Variants in TUBA1C observed in about 807,000 individuals in gnomAD.
The protein encoded by TUBA1C is tubulin alpha 1c, also known as tubulin alpha-1C chain.
Under a neutral mutation model 34.9 loss-of-function variants are expected in TUBA1C, and 16 were observed. The ratio of observed to expected loss-of-function variants is 0.46; its 90% CI spans 0.31 to 0.70. The LOEUF (loss-of-function observed/expected upper bound fraction) is 0.70, where lower values mean the gene tolerates loss of function less well. Among genes scored for constraint, TUBA1C ranks in the 30% least tolerant of loss-of-function variants. The probability of loss-of-function intolerance (pLI) is 0.05; values close to 1 mark genes in which losing one functional copy is unlikely to be tolerated. For missense variants in TUBA1C, 329 were observed against 587.3 expected, an observed-to-expected ratio of 0.56 and a Z score of 4.55; for synonymous variants, 177 against 215.9, an observed-to-expected ratio of 0.82 and a Z score of 1.58.
chr12:49,259,893 T>G (rs1942825587), intron 1 of TUBA1C, among the ~76,000 whole-genome samples: 1 of 152,128 alleles, frequency 6.6e-6, no homozygotes, highest in Non-Finnish European at 1.5e-5. Context: ...TGCAGAAAAG[T>G]AAAAAGGAAA....
chr12:49,246,532 G>A (rs912898579), intron 1 of TUBA1C, among the ~76,000 whole-genome samples: 25 of 151,874 alleles, frequency 1.6e-4, no homozygotes, highest in Admixed American at 9.2e-4. Context: ...ACAATTAGCC[G>A]GGTGTGGTGG....
At chr12:49,243,788 T>C (rs931760052) in intron 1 of TUBA1C, among the ~76,000 whole-genome samples, 1 of 151,958 alleles carries the variant, frequency 6.6e-6, no homozygotes, top group Non-Finnish European at 1.5e-5. Context: ...GGCAGTTCCC[T>C]TTAAGGAAAG....
intron 3 of TUBA1C, among the ~76,000 whole-genome samples, chr12:49,270,359 A>G (rs2062894233): frequency 6.6e-6 from 1 of 152,236 alleles, no homozygotes. Context: ...CACTGACAAG[A>G]AACAGCCAAT....
upstream of TUBA1C, chr12:49,264,633 G>A (rs889093811): frequency 6.6e-6 from 1 of 152,288 alleles, no homozygotes; most frequent in African/African-American, 2.4e-5. Flanking sequence ...CTTCCCTCCT[G>A]GGCGCGGTCG....
intron 1 of TUBA1C, chr12:49,232,943 A>G (rs965220088): frequency 6.6e-6 from 1 of 152,212 alleles, no homozygotes; most frequent in Non-Finnish European, 1.5e-5. Flanking sequence ...TCAGGGCTTC[A>G]AAACTGTGCT....
chr12:49,270,399 G>A (rs1299298587), intron 3 of TUBA1C, among the ~76,000 whole-genome samples: 2 of 152,320 alleles, frequency 1.3e-5, no homozygotes, highest in African/African-American at 4.8e-5. Flanking sequence ...GCTGAAAGTG[G>A]AGTCGGGAGC....
At chr12:49,238,930 C>T (rs1425905311) in intron 1 of TUBA1C, among the ~76,000 whole-genome samples, 1 of 152,162 alleles carries the variant, frequency 6.6e-6, no homozygotes, top group Non-Finnish European at 1.5e-5. Context: ...GAACCCTGCC[C>T]TTTTGGGTTT....
chr12:49,257,053 G>A (rs1056147592), intron 1 of TUBA1C, among the ~76,000 whole-genome samples: 22 of 150,942 alleles, frequency 1.5e-4, no homozygotes, highest in African/African-American at 5.1e-4. Context: ...GGTGGTGGGC[G>A]CCTATAATCC....
At chr12:49,231,050 C>A (rs1462657328) in intron 1 of TUBA1C, among the ~76,000 whole-genome samples, 1 of 152,202 alleles carries the variant, frequency 6.6e-6, no homozygotes, top group East Asian at 1.9e-4. Flanking sequence ...GCACCATCTC[C>A]ACTTCTGTTT....
At chr12:49,229,938 C>G (rs1330333660) in intron 1 of TUBA1C, among the ~76,000 whole-genome samples, 2 of 152,142 alleles carry the variant, frequency 1.3e-5, no homozygotes, top group African/African-American at 4.8e-5. Context: ...TAGGCGTGTA[C>G]CACCATACCT....
chr12:49,272,725 A>G lies in TUBA1C; in HGVS notation c.848A>G (p.His283Arg). ...GTCATCTCTGCTGAGAAAGCCTACC[A>G]CGAACAGCTTACTGTAGCAGAGATC... ...APVISAEKAY[H>R]EQLTVAEITN... Residue 283 changes from histidine to arginine, a missense_variant, in exon 4 of 4, where the codon CAC (histidine) becomes CGC (arginine). Physicochemically the swap from His to Arg is conservative, Grantham distance 29. Coordinates refer to ENST00000301072, the MANE Select transcript of TUBA1C (RefSeq NM_032704.5). The G allele has an allele frequency of 6.2e-7, 1 of 1,612,728 alleles. No individual in the cohort carries two copies. The highest frequency in any genetic ancestry group is 1.1e-5 in the South Asian group (1 of 90,940).
chr12:49,230,751 G>C (rs909005643), intron 1 of TUBA1C, among the ~76,000 whole-genome samples: 2 of 152,304 alleles, frequency 1.3e-5, no homozygotes, highest in African/African-American at 4.8e-5. Flanking sequence ...TCAAAGCAGG[G>C]TGGTTAATAA....
chr12:49,272,870 C>T lies in TUBA1C; in HGVS notation c.993C>T (p.Ala331=), dbSNP rs1278753038. 23 of 1,614,168 alleles carry T rather than the reference C, an allele frequency of 1.4e-5. No homozygotes were observed. Among genetic ancestry groups the T allele is most frequent in the Non-Finnish European group, 1.9e-5 (22 of 1,180,020 alleles). Residue 331 remains alanine (A), a synonymous_variant, in exon 4 of 4, where the codon GCC becomes GCT. Coordinates refer to ENST00000301072, the MANE Select transcript of TUBA1C (RefSeq NM_032704.5). ...TGGTTCCCAAAGATGTCAATGCTGC[C>T]ATTGCCACCATCAAAACCAAGCGTA... ...GDVVPKDVNA[A]IATIKTKRTI...
intron 3 of TUBA1C, 172 bp downstream of exon 3, chr12:49,270,148 A>AC: frequency 7.3e-7 from 1 of 1,361,156 alleles, no homozygotes; most frequent in South Asian, 1.2e-5. Context: ...GATTTATGGG[A>AC]CAACTATGGG....
intron 1 of TUBA1C, among the ~76,000 whole-genome samples, chr12:49,234,828 C>G (rs1353465093): frequency 6.6e-6 from 1 of 152,162 alleles, no homozygotes; most frequent in Non-Finnish European, 1.5e-5. Flanking sequence ...AAAAAATTTT[C>G]TTTTTGGAGA....
chr12:49,238,735 C>T (rs1486763968), intron 1 of TUBA1C, among the ~76,000 whole-genome samples: 8 of 152,066 alleles, frequency 5.3e-5, no homozygotes, highest in Admixed American at 3.9e-4. Context: ...TAATTTTGAA[C>T]TCCTGGGCTC....
At chr12:49,265,307 G>A in intron 1 of TUBA1C, 123 bp downstream of exon 1, 1 of 699,490 alleles carries the variant, frequency 1.4e-6, no homozygotes, top group Non-Finnish European at 2.1e-6. Context: ...GGCCCCTCCG[G>A]TTAACCTGGC....
At chr12:49,248,305 C>T (rs540502874) in intron 1 of TUBA1C, among the ~76,000 whole-genome samples, 1 of 151,984 alleles carries the variant, frequency 6.6e-6, no homozygotes, top group Middle Eastern at 3.4e-3. Context: ...GAAAGTGGCT[C>T]ACACCCATAA....
chr12:49,270,019 TGCA>T, intron 3 of TUBA1C, 43 bp downstream of exon 3: 1 of 1,614,238 alleles, frequency 6.2e-7, no homozygotes. Flanking sequence ...GAGTTTCTTT[TGCA>T]GTTCTGAGAC....
Sources: allele counts gnomAD v4.1 joint callset (sites outside exome capture counted in the v4.1 genomes callset), GRCh38; gene constraint gnomAD v4.1.1; transcripts MANE v1.5; gene names NCBI Gene and HGNC (gene_info 2026-07-23, HGNC 2026-07-21).